CNTN4: variants seen among roughly 807,000 people sequenced by gnomAD.
CNTN4 encodes the protein contactin-4.
CNTN4 carries 77 observed loss-of-function variants against 122.5 expected under a neutral mutation model. The ratio of observed to expected loss-of-function variants is 0.63; its 90% CI spans 0.52 to 0.76. The LOEUF (loss-of-function observed/expected upper bound fraction) is 0.76. Ranked by LOEUF, CNTN4 falls within the 30% of genes least tolerant of loss-of-function variation. CNTN4 has a pLI of 0.00. For missense variants in CNTN4, 1,256 were observed against 1,259.1 expected (o/e 1.00, Z 0.04); for synonymous variants, 512 against 447.0 (o/e 1.15, Z -1.83).
intron 2 of CNTN4, among the ~76,000 whole-genome samples, chr3:2,107,874 A>C (rs2032584972): frequency 6.6e-6 from 1 of 152,178 alleles, no homozygotes; most frequent in Non-Finnish European, 1.5e-5. Context: ...TCAGACTTCC[A>C]GTCAAGAACC....
intron 4 of CNTN4, among the ~76,000 whole-genome samples, chr3:2,630,935 A>C (rs1260621226): frequency 6.6e-6 from 1 of 152,180 alleles, no homozygotes; most frequent in African/African-American, 2.4e-5. Context: ...TTTTGCTTGC[A>C]TCTTACCAAA....
chr3:2,520,392 C>A (rs2077169991), intron 3 of CNTN4, among the ~76,000 whole-genome samples: 1 of 150,098 alleles, frequency 6.7e-6, no homozygotes. Flanking sequence ...TGTGCCTCAG[C>A]CTCCTGGGTA....
chr3:2,377,793 C>G (rs1165096204), intron 3 of CNTN4, among the ~76,000 whole-genome samples: 1 of 150,032 alleles, frequency 6.7e-6, no homozygotes, highest in Non-Finnish European at 1.5e-5. Context: ...TTAACCTCAT[C>G]AGTTATTGTT....
rs397988483 is a variant in CNTN4 at position 2,520,259 on chromosome 3, C to CTT, written c.-88-51127_-88-51126dup. On this transcript the variant is annotated intron_variant, in intron 3 of 24. Coordinates refer to ENST00000418658, the MANE Select transcript of CNTN4 (RefSeq NM_175607.3). ...AAAAAGATAGGTTGGTGATTGCTTC[C>CTT]TTTTTTTTTTTTTTTTTTTTTTTTT... is the stretch of plus-strand genomic sequence containing the variant. Among the ~76,000 whole-genome samples, 513 of 74,444 alleles carry CTT rather than the reference C, an allele frequency of 6.9e-3. 53 individuals are homozygous for CTT. The highest frequency in any genetic ancestry group is 0.017 in the African/African-American group (239 of 13,834). The allele number at this position is 74,444 out of a possible 152,430, so 48.8% of individuals were successfully genotyped here.
At chr3:3,020,363 G>T (rs1278370095) in intron 14 of CNTN4, among the ~76,000 whole-genome samples, 1 of 152,142 alleles carries the variant, frequency 6.6e-6, no homozygotes, top group Non-Finnish European at 1.5e-5. Flanking sequence ...GTGTAAAAAA[G>T]ACAAATGATT....
intron 8 of CNTN4, among the ~76,000 whole-genome samples, chr3:2,872,231 T>C (rs2093794585): frequency 6.6e-6 from 1 of 152,210 alleles, no homozygotes; most frequent in South Asian, 2.1e-4. Flanking sequence ...TCATATTGGC[T>C]CTTCTGTCTT....
At chr3:2,531,059 C>A (rs973934267) in intron 3 of CNTN4, among the ~76,000 whole-genome samples, 1 of 152,068 alleles carries the variant, frequency 6.6e-6, no homozygotes, top group Non-Finnish European at 1.5e-5. Context: ...CTACAGACAT[C>A]CAAAAATGAA....
At chr3:2,177,862 A>G (rs1221266371) in intron 2 of CNTN4, among the ~76,000 whole-genome samples, 1 of 152,112 alleles carries the variant, frequency 6.6e-6, no homozygotes, top group African/African-American at 2.4e-5. Context: ...TGACCAAACA[A>G]CTGGGCCCCA....
At chr3:2,337,234 CT>C (rs2150339547) in intron 2 of CNTN4, among the ~76,000 whole-genome samples, 1 of 152,190 alleles carries the variant, frequency 6.6e-6, no homozygotes, top group Admixed American at 6.5e-5. Context: ...CAGATAAGTT[CT>C]TTTGGCCAGG....
chr3:2,755,853 A>G (rs1420934066), intron 6 of CNTN4, among the ~76,000 whole-genome samples: 1 of 152,190 alleles, frequency 6.6e-6, no homozygotes, highest in African/African-American at 2.4e-5. Context: ...TGAAGGCTAA[A>G]AGAGAACAAT....
At chr3:2,387,073 G>T (rs1052182036) in intron 3 of CNTN4, among the ~76,000 whole-genome samples, 2 of 152,058 alleles carry the variant, frequency 1.3e-5, no homozygotes, top group African/African-American at 4.8e-5. Context: ...ATCAGTTATA[G>T]TCTACTATAG....
intron 3 of CNTN4, among the ~76,000 whole-genome samples, chr3:2,414,571 A>G (rs910603849): frequency 2.0e-5 from 3 of 152,180 alleles, no homozygotes; most frequent in African/African-American, 7.2e-5. Flanking sequence ...ATAGTAATTG[A>G]TATTATTTAT....
chr3:3,045,826 C>T (rs894185061), intron 23 of CNTN4, among the ~76,000 whole-genome samples: 4 of 152,200 alleles, frequency 2.6e-5, no homozygotes, highest in African/African-American at 4.8e-5. Flanking sequence ...GACCAAACTT[C>T]TCCGAGCTAA....
chr3:2,497,498 G>T (rs1228359824), intron 3 of CNTN4, among the ~76,000 whole-genome samples: 1 of 152,142 alleles, frequency 6.6e-6, no homozygotes, highest in Non-Finnish European at 1.5e-5. Context: ...AATGTCCTGT[G>T]CTCATGAGTG....
Position 2,938,323 on chromosome 3 carries a change from C to T in CNTN4, c.1358+12544C>T, listed in dbSNP as rs138824364. Reference sequence around the variant, plus strand: ...CCCCATCTGTCAATAATAATAGTAACACCCAGCGCTTGTTTTTTTTTTAGT... The same window carrying T: ...CCCCATCTGTCAATAATAATAGTAATACCCAGCGCTTGTTTTTTTTTTAGT... On this transcript the variant is annotated intron_variant, in intron 13 of 24. Coordinates refer to ENST00000418658, the MANE Select transcript of CNTN4 (RefSeq NM_175607.3). Among the ~76,000 whole-genome samples the T allele has an allele frequency of 7.8e-3, 1,190 of 152,136 alleles. 17 individuals are homozygous for T. The highest frequency in any genetic ancestry group is 0.025 in the African/African-American group (1,050 of 41,514).
intron 2 of CNTN4, among the ~76,000 whole-genome samples, chr3:2,209,572 G>C (rs1251362330): frequency 2.6e-5 from 4 of 152,086 alleles, no homozygotes; most frequent in African/African-American, 9.7e-5. Context: ...TCAACCCTGT[G>C]CTGGGTAGTT....
chr3:2,380,270 T>C (rs1383188753), intron 3 of CNTN4, among the ~76,000 whole-genome samples: 1 of 152,172 alleles, frequency 6.6e-6, no homozygotes, highest in Non-Finnish European at 1.5e-5. Context: ...ATTGGCAGCG[T>C]ATCTCAGCCT....
intron 14 of CNTN4, among the ~76,000 whole-genome samples, chr3:2,989,438 C>T (rs981398337): frequency 1.3e-5 from 2 of 151,726 alleles, no homozygotes; most frequent in African/African-American, 4.9e-5. Flanking sequence ...TTTGTAGTTC[C>T]CTTGGTGAAG....
At chr3:2,298,467 A>T (rs372388629) in intron 2 of CNTN4, among the ~76,000 whole-genome samples, 1 of 152,144 alleles carries the variant, frequency 6.6e-6, no homozygotes, top group East Asian at 1.9e-4. Flanking sequence ...TTCTGTGTAT[A>T]TCAAAATGCC....
Sources: allele counts gnomAD v4.1 joint callset (sites outside exome capture counted in the v4.1 genomes callset), GRCh38; gene constraint gnomAD v4.1.1; transcripts MANE v1.5; gene names NCBI Gene and HGNC (gene_info 2026-07-23, HGNC 2026-07-21).